RSBN1L: variants seen among roughly 807,000 people sequenced by gnomAD.
The protein encoded by RSBN1L is round spermatid basic protein 1 like.
A neutral mutation model predicts 67.7 loss-of-function variants in RSBN1L; 30 were observed. The observed-to-expected ratio is 0.44, with a 90% CI of 0.33 to 0.60. RSBN1L has a LOEUF of 0.60. RSBN1L is among the 20% of genes least tolerant of loss of function. The probability of loss-of-function intolerance (pLI) is 0.02; values close to 1 mark genes in which losing one functional copy is unlikely to be tolerated. For synonymous variants in RSBN1L, 433 were observed against 387.0 expected, an observed-to-expected ratio of 1.12 and a Z score of -1.39; for missense variants, 992 against 1,031.7, an observed-to-expected ratio of 0.96 and a Z score of 0.53.
chr7:77,767,970 C>T (rs1791795448), intron 4 of RSBN1L, among the ~76,000 whole-genome samples: 1 of 149,410 alleles, frequency 6.7e-6, no homozygotes, highest in African/African-American at 2.5e-5. Context: ...CCTGCCTCAA[C>T]CTCCTGAGTA....
chr7:77,739,298 G>A (rs1368860510), intron 2 of RSBN1L, among the ~76,000 whole-genome samples: 1 of 152,048 alleles, frequency 6.6e-6, no homozygotes, highest in Admixed American at 6.5e-5. Flanking sequence ...TTTTTCTTCT[G>A]TTAATGATAA....
rs536456157 is a variant in RSBN1L at position 77,743,831 on chromosome 7, C to T, written c.704-5593C>T. On this transcript the variant is annotated intron_variant, in intron 2 of 7. Transcript: ENST00000334955. ...TTTTTATTGCATTACTGCCTTCTTT[C>T]CCTGATTTTTTTTGATTGTTTCATC... is the stretch of plus-strand genomic sequence containing the variant. 5.3e-5 allele frequency among the ~76,000 whole-genome samples: 8 copies of T among 152,014 alleles called. No individual in the cohort carries two copies. The South Asian group carries it at 1.5e-3, about 28-fold the overall frequency.
intron 1 of RSBN1L, among the ~76,000 whole-genome samples, chr7:77,735,739 C>T (rs563887022): frequency 3.2e-4 from 48 of 152,150 alleles, no homozygotes; most frequent in Middle Eastern, 3.4e-3. Flanking sequence ...CATAGGAAGT[C>T]ATTTGAACAA....
intron 3 of RSBN1L, among the ~76,000 whole-genome samples, chr7:77,753,384 A>G (rs1249669976): frequency 6.6e-6 from 1 of 152,202 alleles, no homozygotes; most frequent in Non-Finnish European, 1.5e-5. Flanking sequence ...TAAGGATGTC[A>G]AGTACCTTTT....
At chr7:77,752,478 G>A (rs117526436) in intron 3 of RSBN1L, among the ~76,000 whole-genome samples, 2,793 of 152,210 alleles carry the variant, frequency 0.018, 38 homozygotes, top group Middle Eastern at 0.071. Flanking sequence ...TTTGTCCTTA[G>A]GCACTGGCTT....
At chr7:77,777,917 G>A (rs768709184) in intron 6 of RSBN1L, among the ~76,000 whole-genome samples, 120 of 152,038 alleles carry the variant, frequency 7.9e-4, no homozygotes, top group Non-Finnish European at 1.4e-3. Flanking sequence ...CATCAGTATA[G>A]TTATATGTAT....
chr7:77,776,757 C>G (rs947596964), intron 6 of RSBN1L, among the ~76,000 whole-genome samples: 6 of 152,014 alleles, frequency 3.9e-5, no homozygotes, highest in Admixed American at 1.3e-4. Flanking sequence ...CATGCTCTAT[C>G]TTTTCCCATT....
intron 1 of RSBN1L, among the ~76,000 whole-genome samples, chr7:77,699,793 T>A (rs901001568): frequency 2.0e-5 from 3 of 151,628 alleles, no homozygotes; most frequent in Admixed American, 6.6e-5. Flanking sequence ...CAAAACAGTT[T>A]AGATTTTTTT....
At chr7:77,752,049 A>C (rs1791562634) in intron 3 of RSBN1L, among the ~76,000 whole-genome samples, 1 of 152,202 alleles carries the variant, frequency 6.6e-6, no homozygotes, top group African/African-American at 2.4e-5. Flanking sequence ...TTTTCATCTA[A>C]ACTATCTAAT....
At chr7:77,775,389 G>A (rs1157427700) in intron 6 of RSBN1L, among the ~76,000 whole-genome samples, 1 of 152,054 alleles carries the variant, frequency 6.6e-6, no homozygotes, top group African/African-American at 2.4e-5. Context: ...ACAAAAATTA[G>A]CTGGGCATGC....
At chr7:77,711,315 C>T (rs1158440457) in intron 1 of RSBN1L, among the ~76,000 whole-genome samples, 3 of 145,160 alleles carry the variant, frequency 2.1e-5, no homozygotes, top group South Asian at 2.2e-4. Context: ...AGATATTTTG[C>T]ATATTAATTT....
intron 1 of RSBN1L, among the ~76,000 whole-genome samples, chr7:77,715,116 AC>A (rs1791029110): frequency 6.6e-6 from 1 of 151,938 alleles, no homozygotes; most frequent in South Asian, 2.1e-4. Context: ...TACTAAAAAT[AC>A]AAAAATTAGT....
intron 1 of RSBN1L, among the ~76,000 whole-genome samples, chr7:77,730,704 A>G (rs1368074699): frequency 6.6e-6 from 1 of 152,154 alleles, no homozygotes; most frequent in Non-Finnish European, 1.5e-5. Context: ...CATTTCCTCC[A>G]TGTCTTTGCA....
At chr7:77,697,116 C>G in intron 1 of RSBN1L, 61 bp downstream of exon 1, 2 of 1,305,814 alleles carry the variant, frequency 1.5e-6, no homozygotes, top group East Asian at 6.2e-5. Context: ...CCCCCTGGCG[C>G]CCACGGGGCC....
At chr7:77,774,701 C>A (rs1791888707) in intron 6 of RSBN1L, among the ~76,000 whole-genome samples, 1 of 152,206 alleles carries the variant, frequency 6.6e-6, no homozygotes, top group South Asian at 2.1e-4. Flanking sequence ...CGTGCCACTG[C>A]ACTTCAGCCT....
At chr7:77,767,076 C>CCCCTTCCCCTTCCCTTTCCCTTT (rs1791777829) in intron 4 of RSBN1L, among the ~76,000 whole-genome samples, 1 of 127,626 alleles carries the variant, frequency 7.8e-6, no homozygotes, top group South Asian at 3.0e-4. Flanking sequence ...CCCTTCCCTT[C>CCCCTTCCCCTTCCCTTTCCCTTT]CCCTTCCCCT....
rs963392986 is a variant in RSBN1L at position 77,779,792 on chromosome 7, T to G, written c.*624T>G. Reference sequence around the variant, plus strand: ...GTACGTAATTCAAATCTAGTAAATATTTAAGTTCCTCACACTGTGCAGGCT... The same window carrying G: ...GTACGTAATTCAAATCTAGTAAATAGTTAAGTTCCTCACACTGTGCAGGCT... On this transcript the variant is annotated 3_prime_UTR_variant, in exon 8 of 8. Transcript: ENST00000334955. The G allele has an allele frequency of 2.0e-5, 3 of 151,926 alleles. No individual in the cohort carries two copies. Among genetic ancestry groups the G allele is most frequent in the Non-Finnish European group, 2.9e-5 (2 of 67,868 alleles). The allele number at this position is 151,926 out of a possible 1,614,324, so 9.4% of individuals were successfully genotyped here.
chr7:77,711,490 C>T (rs988066095), intron 1 of RSBN1L, among the ~76,000 whole-genome samples: 15 of 151,964 alleles, frequency 9.9e-5, no homozygotes, highest in Admixed American at 3.3e-4. Flanking sequence ...CAGGTGAGCA[C>T]CACTACACCT....
chr7:77,756,154 CA>C (rs1483512140), intron 3 of RSBN1L, among the ~76,000 whole-genome samples: 1 of 151,492 alleles, frequency 6.6e-6, no homozygotes, highest in East Asian at 2.0e-4. Context: ...TTTTTTGAGA[CA>C]GAGTCTAGCT....
Sources: gnomAD v4.1 joint callset for allele counts (sites outside exome capture counted in the v4.1 genomes callset) on GRCh38, gnomAD v4.1.1 for gene constraint, MANE v1.5 for transcripts, NCBI Gene and HGNC (gene_info 2026-07-23, HGNC 2026-07-21) for gene names.